Variants in TLE5 observed in about 807,000 individuals in gnomAD.
TLE5 encodes the protein TLE family member 5.
TLE5 carries 7 observed loss-of-function variants against 25.8 expected under a neutral mutation model. That is an observed-to-expected ratio of 0.27 (90% CI 0.15 to 0.51). TLE5 has a LOEUF of 0.51. TLE5 is among the 20% of genes least tolerant of loss of function. The probability of loss-of-function intolerance (pLI) is 0.97; values close to 1 mark genes in which losing one functional copy is unlikely to be tolerated. For missense variants in TLE5, 149 were observed against 250.7 expected, an observed-to-expected ratio of 0.59 and a Z score of 2.74; for synonymous variants, 132 against 110.5, an observed-to-expected ratio of 1.20 and a Z score of -1.22.
intron 3 of TLE5, 184 bp downstream of exon 3, chr19:3,057,495 A>C: frequency 9.9e-6 from 6 of 606,202 alleles, no homozygotes; most frequent in Admixed American, 2.9e-5. Flanking sequence ...TGCCTCGGCC[A>C]TCTGCCAGGC....
chr19:3,056,635 C>T (rs1406709794), intron 3 of TLE5: 2 of 642,926 alleles, frequency 3.1e-6, no homozygotes, highest in Non-Finnish European at 5.7e-6. Flanking sequence ...CCTGGCTCCT[C>T]CCCCACTCCA....
chr19:3,058,475 C>T (rs113135662), intron 2 of TLE5, among the ~76,000 whole-genome samples: 29 of 152,304 alleles, frequency 1.9e-4, no homozygotes, highest in Admixed American at 7.8e-4. Flanking sequence ...GGCTGCAAGG[C>T]GGCTCCCGGC....
Position 3,062,251 on chromosome 19 carries a change from C to A in TLE5, c.-51G>T. 9.3e-7 allele frequency: 1 copy of A among 1,071,964 alleles called. No individual in the cohort carries two copies. Among genetic ancestry groups the A allele is most frequent in the Non-Finnish European group, 1.1e-6 (1 of 885,058 alleles). 66.4% of individuals were successfully genotyped at this position (1,071,964 alleles called of 1,614,324 possible). On this transcript the variant is annotated 5_prime_UTR_variant, in exon 1 of 7. Transcript: ENST00000327141. ...TGCGCCCCGGCTGTGCGCCCCGGCT[C>A]GGGCTGCTGGGGGCGCCGGGCGGCC...
intron 2 of TLE5, 194 bp downstream of exon 2, chr19:3,060,966 T>A: frequency 2.3e-6 from 1 of 434,442 alleles, no homozygotes; most frequent in Non-Finnish European, 4.3e-6. Context: ...ATTTAACTAT[T>A]TTTGTGCCTC....
chr19:3,061,284 G>A lies in TLE5; in HGVS notation c.28-27C>T, dbSNP rs1373459410. ...TGTAGGGATGGGGCGGCCCGGGTCAGGCCCAGGCGTGGGCTGGACCCCCCT... is the reference window on the plus strand; with the variant it reads ...TGTAGGGATGGGGCGGCCCGGGTCAAGCCCAGGCGTGGGCTGGACCCCCCT... On this transcript the variant is annotated intron_variant, in intron 1 of 6. Transcript: ENST00000327141. The A allele has an allele frequency of 1.1e-5, 18 of 1,581,282 alleles. No individual in the cohort carries two copies. The Admixed American group carries it at 2.8e-4, about 25-fold the overall frequency.
Position 3,053,341 on chromosome 19 carries a change from G to A in TLE5, c.*478C>T. 6.0e-6 allele frequency: 1 copy of A among 165,936 alleles called. No homozygotes were observed. The highest frequency in any genetic ancestry group is 1.3e-5 in the Non-Finnish European group (1 of 75,904). The allele number at this position is 165,936 out of a possible 1,614,324, so 10.3% of individuals were successfully genotyped here. ...AGAGGTGGTGAGTGGGGCAGGTGGA[G>A]GTGGGAGCATACCTGGGACCCGGGG... On this transcript the variant is annotated 3_prime_UTR_variant, in exon 7 of 7. Transcript: ENST00000327141.
At chr19:3,057,542 A>G in intron 3 of TLE5, 137 bp downstream of exon 3, 1 of 815,428 alleles carries the variant, frequency 1.2e-6, no homozygotes, top group Non-Finnish European at 2.0e-6. Context: ...GGCCGGCTGA[A>G]TGGAGAACAG....
chr19:3,062,134 G>A, intron 1 of TLE5, 40 bp downstream of exon 1: 2 of 998,292 alleles, frequency 2.0e-6, no homozygotes, highest in Non-Finnish European at 2.4e-6. Context: ...GTAGGGCCCG[G>A]ATCCGGGGTG....
Position 3,053,526 on chromosome 19 carries a change from C to T in TLE5, c.*293G>A. 1 of 510,150 alleles carries T rather than the reference C, an allele frequency of 2.0e-6. No individual in the cohort carries two copies. The highest frequency in any genetic ancestry group is 2.5e-5 in the South Asian group (1 of 39,490). 31.6% of individuals were successfully genotyped at this position (510,150 alleles called of 1,614,324 possible). ...GCTGCGCTTCGCGAGGTCTTGCTCC[C>T]TTGGGACCTGGTCTCCCATCTGACC... On this transcript the variant is annotated 3_prime_UTR_variant, in exon 7 of 7. Coordinates refer to ENST00000327141, the MANE Select transcript of TLE5 (RefSeq NM_001130.6).
intron 5 of TLE5, chr19:3,054,590 T>A: frequency 4.6e-6 from 1 of 219,460 alleles, no homozygotes; most frequent in Non-Finnish European, 9.2e-6. Context: ...AGGGACGTCC[T>A]GATCCTAGGA....
At chr19:3,060,468 G>A (rs1044735892) in intron 2 of TLE5, among the ~76,000 whole-genome samples, 3 of 151,646 alleles carry the variant, frequency 2.0e-5, no homozygotes, top group Admixed American at 2.0e-4. Flanking sequence ...GAGTAGCTGG[G>A]ATTACAGGCG....
Position 3,055,923 on chromosome 19 carries a change from A to G in TLE5, c.235-197T>C. 5.4e-6 allele frequency: 3 copies of G among 553,588 alleles called. No individual in the cohort carries two copies. In the Admixed American group the frequency reaches 9.8e-5, roughly 18 times the overall value. The allele number at this position is 553,588 out of a possible 1,614,324, so 34.3% of individuals were successfully genotyped here. ...GTCAGTGGCAAAGGTGGGGCTGGAC[A>G]CCGGCTGTCGCCTGCAGCTTAGAGT... On this transcript the variant is annotated intron_variant, in intron 4 of 6. Coordinates refer to ENST00000327141, the MANE Select transcript of TLE5 (RefSeq NM_001130.6).
At chr19:3,062,559 C>T, upstream of TLE5, 2 of 812,296 alleles carry the variant, frequency 2.5e-6, no homozygotes, top group Non-Finnish European at 3.0e-6. Flanking sequence ...CCCGTGCGCG[C>T]CGCCGAGGGG....
intron 4 of TLE5, 92 bp downstream of exon 4, chr19:3,056,220 C>T: frequency 9.7e-6 from 9 of 928,076 alleles, no homozygotes; most frequent in Non-Finnish European, 1.4e-5. Context: ...GGGCCGGCCG[C>T]TACCTGCCTG....
At chr19:3,054,275 G>GA (rs1213460979) in intron 5 of TLE5, 81 bp from the exon 6 acceptor site, 1 of 1,395,818 alleles carries the variant, frequency 7.2e-7, no homozygotes, top group African/African-American at 1.4e-5. Flanking sequence ...CTGAGGCCAG[G>GA]AGGAGCCCCA....
chr19:3,054,429 A>G (rs2090200903), intron 5 of TLE5: 1 of 591,642 alleles, frequency 1.7e-6, no homozygotes, highest in South Asian at 2.0e-5. Flanking sequence ...GCAGAAAACA[A>G]TTAAAAGGGT....
chr19:3,056,394 G>A, intron 3 of TLE5, 38 bp from the exon 4 acceptor site: 1 of 499,244 alleles, frequency 2.0e-6, no homozygotes, highest in Non-Finnish European at 3.4e-6. Flanking sequence ...GGAGATGGGG[G>A]TGGGGAAGGA....
intron 3 of TLE5, chr19:3,056,745 G>A: frequency 2.9e-6 from 1 of 344,406 alleles, no homozygotes; most frequent in Non-Finnish European, 5.8e-6. Flanking sequence ...TGCCTGCCTA[G>A]GTATAAACAG....
intron 1 of TLE5, among the ~76,000 whole-genome samples, chr19:3,061,889 G>GC (rs964589379): frequency 1.7e-4 from 22 of 127,102 alleles, no homozygotes; most frequent in Admixed American, 2.9e-4. Context: ...GGCGGGTTGG[G>GC]GGGGGGGGGC....
Sources: allele counts gnomAD v4.1 joint callset (sites outside exome capture counted in the v4.1 genomes callset), GRCh38; gene constraint gnomAD v4.1.1; transcripts MANE v1.5; gene names NCBI Gene and HGNC (gene_info 2026-07-23, HGNC 2026-07-21).